MYO16: variants seen among roughly 807,000 people sequenced by gnomAD.
The protein encoded by MYO16 is unconventional myosin-XVI.
A neutral mutation model predicts 205.3 loss-of-function variants in MYO16; 94 were observed. The observed-to-expected ratio is 0.46, with a 90% CI of 0.39 to 0.54. The LOEUF (loss-of-function observed/expected upper bound fraction) is 0.54, where lower values mean the gene tolerates loss of function less well. Among genes scored for constraint, MYO16 ranks in the 20% least tolerant of loss-of-function variants. The pLI, the probability that MYO16 is intolerant of heterozygous loss-of-function variation, is 0.00. For synonymous variants in MYO16, 988 were observed against 954.0 expected, an observed-to-expected ratio of 1.04 and a Z score of -0.66; for missense variants, 2,315 against 2,387.5, an observed-to-expected ratio of 0.97 and a Z score of 0.63.
chr13:109,016,190 A>G (rs2139503008), intron 22 of MYO16, among the ~76,000 whole-genome samples: 1 of 152,278 alleles, frequency 6.6e-6, no homozygotes, highest in Non-Finnish European at 1.5e-5. Flanking sequence ...TTCAAAGAAC[A>G]TCTTTATTTC....
chr13:109,134,877 G>A (rs1486509159), intron 31 of MYO16, among the ~76,000 whole-genome samples: 1 of 152,094 alleles, frequency 6.6e-6, no homozygotes, highest in Non-Finnish European at 1.5e-5. Context: ...AGTACCATCT[G>A]TATCAGTCCA....
chr13:108,826,451 T>C (rs1383709542), intron 9 of MYO16, among the ~76,000 whole-genome samples: 2 of 152,074 alleles, frequency 1.3e-5, no homozygotes, highest in Admixed American at 6.6e-5. Context: ...ATGTAAGAGC[T>C]AAAACTATAA....
intron 2 of MYO16, among the ~76,000 whole-genome samples, chr13:108,702,018 GA>G (rs147813068): frequency 0.19 from 28,264 of 148,676 alleles, 2,844 homozygotes; most frequent in Middle Eastern, 0.24. Context: ...AGGTAGAGAA[GA>G]AAAAAAAAAT....
the MYO16 span, among the ~76,000 whole-genome samples, chr13:108,516,140 T>C: frequency 1.4e-4 from 21 of 151,860 alleles, no homozygotes; most frequent in Admixed American, 5.9e-4. Flanking sequence ...TCCGTGGGCG[T>C]AGGACCCTCT....
chr13:108,519,649 C>CCA, the MYO16 span, among the ~76,000 whole-genome samples: 4 of 118,486 alleles, frequency 3.4e-5, no homozygotes, highest in African/African-American at 5.5e-5. Context: ...ACACACACAC[C>CCA]CACACACACA....
At chr13:108,661,882 T>G (rs929871841) in intron 1 of MYO16, among the ~76,000 whole-genome samples, 1 of 152,250 alleles carries the variant, frequency 6.6e-6, no homozygotes, top group East Asian at 1.9e-4. Flanking sequence ...ATTACCAGGG[T>G]TGGTTTTCTG....
chr13:108,942,655 C>T (rs949142425), intron 16 of MYO16, among the ~76,000 whole-genome samples: 2 of 152,050 alleles, frequency 1.3e-5, no homozygotes, highest in African/African-American at 4.8e-5. Context: ...GATCTGTTCC[C>T]TTGGCTGATT....
chr13:109,122,040 C>G (rs940040907), intron 29 of MYO16, among the ~76,000 whole-genome samples: 1 of 152,198 alleles, frequency 6.6e-6, no homozygotes, highest in African/African-American at 2.4e-5. Flanking sequence ...CCTGCCCCAA[C>G]CCATGTGTCC....
the MYO16 span, among the ~76,000 whole-genome samples, chr13:108,534,315 T>C: frequency 3.9e-5 from 6 of 152,266 alleles, no homozygotes; most frequent in East Asian, 1.2e-3. Flanking sequence ...AAGTGGGAAG[T>C]TTCATCTTCA....
intron 22 of MYO16, among the ~76,000 whole-genome samples, chr13:109,013,108 T>TTCC (rs1885665915): frequency 3.1e-5 from 1 of 32,612 alleles, no homozygotes; most frequent in African/African-American, 1.1e-4. Context: ...ATGCTACCCC[T>TTCC]CCCCCACCCC....
chr13:108,922,217 A>G (rs1305769137), intron 16 of MYO16, among the ~76,000 whole-genome samples: 1 of 152,092 alleles, frequency 6.6e-6, no homozygotes, highest in Non-Finnish European at 1.5e-5. Flanking sequence ...TCAACCCAGC[A>G]TTTTGAAGTG....
At chr13:109,177,759 C>T (rs767399224) in intron 33 of MYO16, among the ~76,000 whole-genome samples, 15 of 152,200 alleles carry the variant, frequency 9.9e-5, no homozygotes, top group South Asian at 8.3e-4. Context: ...TCAGGTGATC[C>T]GCCACCTTAG....
At chr13:109,029,112 C>CTTT (rs200871485) in intron 23 of MYO16, among the ~76,000 whole-genome samples, 1,531 of 98,314 alleles carry the variant, frequency 0.016, 87 homozygotes, top group African/African-American at 0.047. Context: ...TTTTTCTTTT[C>CTTT]TTTTTTTTTT....
At chr13:108,868,284 T>C (rs750984400) in intron 12 of MYO16, among the ~76,000 whole-genome samples, 5 of 152,232 alleles carry the variant, frequency 3.3e-5, no homozygotes, top group Non-Finnish European at 5.9e-5. Flanking sequence ...TAGTTGCTTC[T>C]CTTCCTTGGT....
chr13:108,817,508 A>T (rs1412359768), intron 7 of MYO16, among the ~76,000 whole-genome samples: 1 of 114,816 alleles, frequency 8.7e-6, no homozygotes, highest in African/African-American at 2.8e-5. Context: ...TATGGGATGA[A>T]CACTGACCAC....
intron 12 of MYO16, among the ~76,000 whole-genome samples, chr13:108,870,369 A>C (rs1465556392): frequency 1.3e-5 from 2 of 152,046 alleles, no homozygotes; most frequent in Non-Finnish European, 2.9e-5. Context: ...TTATTAAAAA[A>C]ATCTTCTATG....
At chr13:108,888,265 A>C in intron 13 of MYO16, 107 bp from the exon 14 acceptor site, 1 of 682,614 alleles carries the variant, frequency 1.5e-6, no homozygotes, top group South Asian at 2.2e-5. Context: ...AAATATCTCC[A>C]GTTAATTTTT....
chr13:108,533,673 T>G, the MYO16 span, among the ~76,000 whole-genome samples: 1 of 152,236 alleles, frequency 6.6e-6, no homozygotes. Flanking sequence ...CTTTTTCTGG[T>G]TCTAATTTGT....
intron 20 of MYO16, among the ~76,000 whole-genome samples, chr13:108,976,276 C>CAT (rs973193768): frequency 6.6e-6 from 1 of 152,142 alleles, no homozygotes; most frequent in East Asian, 1.9e-4. Context: ...CTCTCTCTCT[C>CAT]TCTGATGTGA....
Sources: gnomAD v4.1 joint callset for allele counts (sites outside exome capture counted in the v4.1 genomes callset) on GRCh38, gnomAD v4.1.1 for gene constraint, MANE v1.5 for transcripts, NCBI Gene and HGNC (gene_info 2026-07-23, HGNC 2026-07-21) for gene names.